The following OR2C1 variants were observed in gnomAD, a reference collection of about 807,000 sequenced individuals.
OR2C1 encodes the protein olfactory receptor family 2 subfamily C member 1.
For missense variants in OR2C1, 468 were observed against 388.3 expected (o/e 1.21, Z -1.73); for synonymous variants, 209 against 167.3 (o/e 1.25, Z -1.92).
the OR2C1 span, among the ~76,000 whole-genome samples, chr16:3,347,520 G>T: frequency 6.6e-6 from 1 of 150,696 alleles, no homozygotes; most frequent in African/African-American, 2.4e-5. Flanking sequence ...GGAGTGCAGT[G>T]TCCCCTCCTC....
Position 3,356,530 on chromosome 16 carries a change from C to T in OR2C1, c.590C>T (p.Ala197Val), listed in dbSNP as rs779424167. The change falls in exon 1 of 1, where the codon GCT (alanine) becomes GTT (valine). Residue 197 changes from alanine to valine, a missense_variant. Physicochemically the swap from Ala to Val is moderately conservative, Grantham distance 64. Transcript: ENST00000304936. Reference protein sequence around the residue: ...LACGDTSLNQAVLNGVCTFFT... With the variant: ...LACGDTSLNQVVLNGVCTFFT... ...TGTGGCGACACAAGTCTCAACCAGG[C>T]TGTGCTCAATGGTGTCTGCACCTTC... 3.7e-6 allele frequency: 6 copies of T among 1,614,038 alleles called. No individual in the cohort carries two copies. Among genetic ancestry groups the T allele is most frequent in the African/African-American group, 1.3e-5 (1 of 74,946 alleles).
the OR2C1 span, among the ~76,000 whole-genome samples, chr16:3,346,690 C>T: frequency 2.2e-4 from 30 of 136,554 alleles, no homozygotes; most frequent in Non-Finnish European, 3.6e-4. Context: ...AGTGCAGTGG[C>T]GCAATCTTGG....
At chr16:3,348,042 C>T in the OR2C1 span, among the ~76,000 whole-genome samples, 4 of 152,124 alleles carry the variant, frequency 2.6e-5, no homozygotes, top group Non-Finnish European at 4.4e-5. Context: ...TCTATTCAAA[C>T]AAAGTGAAAA....
At chr16:3,343,581 G>T in the OR2C1 span, among the ~76,000 whole-genome samples, 25 of 151,972 alleles carry the variant, frequency 1.6e-4, no homozygotes, top group Non-Finnish European at 3.5e-4. Context: ...GTGAATCCCC[G>T]TCTCTACTAA....
the OR2C1 span, among the ~76,000 whole-genome samples, chr16:3,332,081 T>A: frequency 1.2e-5 from 1 of 82,594 alleles, no homozygotes; most frequent in Non-Finnish European, 2.2e-5. Flanking sequence ...TGTTGTGGGG[T>A]GGGGGGAGGG....
the OR2C1 span, among the ~76,000 whole-genome samples, chr16:3,337,461 G>A: frequency 1.3e-5 from 2 of 151,990 alleles, no homozygotes; most frequent in East Asian, 1.9e-4. Context: ...GGACCACCAC[G>A]CCCATCCCTG....
chr16:3,332,266 A>AT, the OR2C1 span, among the ~76,000 whole-genome samples: 25 of 149,956 alleles, frequency 1.7e-4, no homozygotes, highest in South Asian at 3.4e-3. Context: ...TAAAATAAAA[A>AT]TTTTTTTTTT....
At chr16:3,333,936 C>G in the OR2C1 span, among the ~76,000 whole-genome samples, 1 of 151,038 alleles carries the variant, frequency 6.6e-6, no homozygotes, top group African/African-American at 2.4e-5. Context: ...TCCCAAGCAC[C>G]ATTTATTGAA....
the OR2C1 span, among the ~76,000 whole-genome samples, chr16:3,332,688 C>G: frequency 6.7e-6 from 1 of 148,862 alleles, no homozygotes; most frequent in Non-Finnish European, 1.5e-5. Flanking sequence ...GATTTGTGTT[C>G]TTTTTTATGG....
At chr16:3,337,432 G>C in the OR2C1 span, among the ~76,000 whole-genome samples, 6 of 151,942 alleles carry the variant, frequency 3.9e-5, no homozygotes, top group Non-Finnish European at 7.4e-5. Flanking sequence ...GCCTCCCAAA[G>C]TGCTGGGATT....
chr16:3,349,620 T>C, the OR2C1 span, among the ~76,000 whole-genome samples: 325 of 152,044 alleles, frequency 2.1e-3, 2 homozygotes, highest in African/African-American at 7.6e-3. Flanking sequence ...CTAGACTGAT[T>C]ATTAAAGAAT....
chr16:3,323,102 T>C, the OR2C1 span: 1 of 539,014 alleles, frequency 1.9e-6, no homozygotes, highest in Non-Finnish European at 3.0e-6. Context: ...TCTTTGAAGA[T>C]ACTTGATAAA....
At chr16:3,336,712 C>CTTTTT in the OR2C1 span, among the ~76,000 whole-genome samples, 70 of 96,728 alleles carry the variant, frequency 7.2e-4, no homozygotes, top group South Asian at 8.0e-4. Context: ...TTCTTTCTTT[C>CTTTTT]TTTTTTTTTT....
At chr16:3,343,642 C>T in the OR2C1 span, among the ~76,000 whole-genome samples, 1 of 152,146 alleles carries the variant, frequency 6.6e-6, no homozygotes, top group Admixed American at 6.5e-5. Flanking sequence ...GTCCCAGCTG[C>T]CTGGGAGGCT....
chr16:3,335,792 C>A, the OR2C1 span, among the ~76,000 whole-genome samples: 2 of 152,090 alleles, frequency 1.3e-5, 1 homozygote, highest in South Asian at 4.1e-4. Context: ...ACTGAACTTG[C>A]TTATTAGTTC....
At chr16:3,332,063 C>G in the OR2C1 span, among the ~76,000 whole-genome samples, 1 of 122,574 alleles carries the variant, frequency 8.2e-6, no homozygotes, top group African/African-American at 3.2e-5. Flanking sequence ...ACATCTCACT[C>G]TGGGGCCTGT....
At chr16:3,332,438 T>C in the OR2C1 span, among the ~76,000 whole-genome samples, 46 of 152,118 alleles carry the variant, frequency 3.0e-4, no homozygotes, top group Non-Finnish European at 6.8e-4. Flanking sequence ...CTTAGTGACC[T>C]ATTGAACACT....
At chr16:3,345,256 CGGCAGATCACG>C in the OR2C1 span, among the ~76,000 whole-genome samples, 1 of 151,808 alleles carries the variant, frequency 6.6e-6, no homozygotes, top group Admixed American at 6.6e-5. Flanking sequence ...ATCATGAGGT[CGGCAGATCACG>C]AGGTCAACAG....
chr16:3,330,576 C>T, the OR2C1 span, among the ~76,000 whole-genome samples: 56 of 151,988 alleles, frequency 3.7e-4, 1 homozygote, highest in African/African-American at 1.3e-3. Context: ...GCCTTGTGAA[C>T]CATCATAATC....
Sources: allele counts gnomAD v4.1 joint callset (sites outside exome capture counted in the v4.1 genomes callset), GRCh38; gene constraint gnomAD v4.1.1; transcripts MANE v1.5; gene names NCBI Gene and HGNC (gene_info 2026-07-23, HGNC 2026-07-21).